Variants in ARFGAP3 observed in about 807,000 individuals in gnomAD.
ARFGAP3 encodes the protein ADP-ribosylation factor GTPase-activating protein 3.
ARFGAP3 carries 72 observed loss-of-function variants against 75.0 expected under a neutral mutation model. The observed-to-expected ratio is 0.96, with a 90% confidence interval of 0.79 to 1.17. The LOEUF is 1.17. ARFGAP3 is among the 50% of genes most tolerant of loss of function. The probability of loss-of-function intolerance (pLI) is 0.00; values close to 1 mark genes in which losing one functional copy is unlikely to be tolerated. For missense variants in ARFGAP3, 620 were observed against 626.6 expected (o/e 0.99, Z 0.11); for synonymous variants, 221 against 217.9 (o/e 1.01, Z -0.13).
At chr22:42,827,035 TATACTC>T (rs1417508430) in intron 6 of ARFGAP3, 36 bp from the exon 7 acceptor site, 1 of 1,610,232 alleles carries the variant, frequency 6.2e-7, no homozygotes, top group Non-Finnish European at 8.5e-7. Context: ...GCGCAGAAAA[TATACTC>T]AGCTAACTTG....
chr22:42,833,670 C>T (rs1015970765), intron 5 of ARFGAP3, among the ~76,000 whole-genome samples: 5 of 152,196 alleles, frequency 3.3e-5, no homozygotes, highest in African/African-American at 9.6e-5. Flanking sequence ...GCAAGAGAAT[C>T]GCTTGAACCC....
rs1452573029 is a variant in ARFGAP3, at chr22:42,812,549, C to T, written c.1065-1605G>A. On this transcript the variant is annotated intron_variant, in intron 11 of 15. Transcript: ENST00000263245. ...GTCAGAGGGGCCAGTAACCAAAGGC[C>T]AATATAAGAGGGAAGCAAGAACCCA... Among the ~76,000 whole-genome samples the T allele has an allele frequency of 5.3e-5, 8 of 152,040 alleles. No homozygotes were observed. In the East Asian group the frequency reaches 1.2e-3, roughly 22 times the overall value.
intron 1 of ARFGAP3, among the ~76,000 whole-genome samples, chr22:42,855,147 T>A (rs1444270992): frequency 6.6e-6 from 1 of 152,222 alleles, no homozygotes; most frequent in African/African-American, 2.4e-5. Context: ...TCAAGTAACC[T>A]GTCCAAGGGT....
At chr22:42,846,557 C>A (rs913132551) in intron 2 of ARFGAP3, among the ~76,000 whole-genome samples, 1 of 152,196 alleles carries the variant, frequency 6.6e-6, no homozygotes, top group African/African-American at 2.4e-5. Flanking sequence ...GGGGCCAATG[C>A]AGCCCAAGTC....
chr22:42,850,286 T>C (rs1417915847), intron 1 of ARFGAP3, among the ~76,000 whole-genome samples: 3 of 151,874 alleles, frequency 2.0e-5, no homozygotes, highest in African/African-American at 4.8e-5. Context: ...ATATTAGATA[T>C]ATAGGCTGGG....
At chr22:42,838,020 G>GA (rs1177730329) in intron 3 of ARFGAP3, among the ~76,000 whole-genome samples, 7 of 148,172 alleles carry the variant, frequency 4.7e-5, no homozygotes, top group Non-Finnish European at 6.0e-5. Flanking sequence ...CTTGAAAAGT[G>GA]AAAAAAAAAT....
chr22:42,828,578 C>T (rs1926146169), intron 6 of ARFGAP3, among the ~76,000 whole-genome samples: 1 of 151,324 alleles, frequency 6.6e-6, no homozygotes, highest in Non-Finnish European at 1.5e-5. Context: ...AATTCTTGTT[C>T]TGTGTTAGTT....
At chr22:42,843,068 C>T (rs1458140184) in intron 2 of ARFGAP3, among the ~76,000 whole-genome samples, 1 of 152,058 alleles carries the variant, frequency 6.6e-6, no homozygotes, top group African/African-American at 2.4e-5. Context: ...AAGGACAGCT[C>T]AGATTTGCCT....
Position 42,812,972 on chromosome 22 carries a change from T to C in ARFGAP3, c.1065-2028A>G, listed in dbSNP as rs541339068. On this transcript the variant is annotated intron_variant, in intron 11 of 15. Coordinates refer to ENST00000263245, the MANE Select transcript of ARFGAP3 (RefSeq NM_014570.5). Reference sequence around the variant, plus strand: ...CCGATCCCCTTTCAGAGAAGAGAGATCAGGACACTGAAGGAACCGGAAGTT... The same window carrying C: ...CCGATCCCCTTTCAGAGAAGAGAGACCAGGACACTGAAGGAACCGGAAGTT... Among the ~76,000 whole-genome samples the C allele has an allele frequency of 4.1e-3, 619 of 152,284 alleles. 3 individuals are homozygous for C. Among genetic ancestry groups the C allele is most frequent in the African/African-American group, 0.015 (603 of 41,550 alleles).
Position 42,823,705 on chromosome 22 carries a change from GC to G in ARFGAP3, c.626-4del. The stretch of plus-strand genomic sequence containing the variant: ...CTTTTTTATGATAGAGGATACCTCT[GC>G]CAAAAAATAAAAATTAAAAAGTAAG... On this transcript the variant is annotated splice_region_variant and splice_polypyrimidine_tract_variant and intron_variant, in intron 7 of 15. Coordinates refer to ENST00000263245, the MANE Select transcript of ARFGAP3 (RefSeq NM_014570.5). The G allele has an allele frequency of 6.4e-7, 1 of 1,559,118 alleles. No homozygotes were observed. The highest frequency in any genetic ancestry group is 1.4e-5 in the African/African-American group (1 of 72,194).
chr22:42,820,222 G>A (rs955645305), intron 9 of ARFGAP3, among the ~76,000 whole-genome samples: 1 of 152,118 alleles, frequency 6.6e-6, no homozygotes, highest in Non-Finnish European at 1.5e-5. Flanking sequence ...AGAAGCCATC[G>A]AAACACTCAA....
At position 42,844,620 on chromosome 22, in the gene ARFGAP3, A is replaced by G. The variant is rs573509448; in HGVS notation, c.188+2894T>C. 5.9e-5 allele frequency among the ~76,000 whole-genome samples: 9 copies of G among 151,994 alleles called. No homozygotes were observed. The South Asian group carries it at 1.9e-3, about 32-fold the overall frequency. The stretch of plus-strand genomic sequence containing the variant: ...AAAAAAAAAAAAATAAAAAACCCAA[A>G]AAACTCCCAAGCTCAAGTGATGTTT... On this transcript the variant is annotated intron_variant, in intron 2 of 15. Coordinates refer to ENST00000263245, the MANE Select transcript of ARFGAP3 (RefSeq NM_014570.5).
intron 1 of ARFGAP3, among the ~76,000 whole-genome samples, chr22:42,851,529 G>A (rs1248799810): frequency 1.3e-5 from 2 of 152,222 alleles, no homozygotes; most frequent in African/African-American, 4.8e-5. Flanking sequence ...CTCACTAAAT[G>A]CGAATGCACA....
intron 14 of ARFGAP3, among the ~76,000 whole-genome samples, chr22:42,803,618 T>C (rs1924976997): frequency 6.6e-6 from 1 of 152,218 alleles, no homozygotes; most frequent in South Asian, 2.1e-4. Context: ...AGTGCCCAGC[T>C]GATGGCAGTC....
Position 42,810,793 on chromosome 22 carries a change from CCA to C in ARFGAP3, c.1196+18_1196+19del. On this transcript the variant is annotated intron_variant, in intron 12 of 15. Coordinates refer to ENST00000263245, the MANE Select transcript of ARFGAP3 (RefSeq NM_014570.5). ...AATGCATGGATTCACTACTACAACC[CCA>C]CAGTTTTGCATTCATACCTGTCTGA... 1.2e-6 allele frequency: 2 copies of C among 1,602,068 alleles called. No homozygotes were observed. Among genetic ancestry groups the C allele is most frequent in the Non-Finnish European group, 1.7e-6 (2 of 1,171,434 alleles).
intron 6 of ARFGAP3, among the ~76,000 whole-genome samples, chr22:42,828,328 G>C (rs1926134081): frequency 6.6e-6 from 1 of 152,016 alleles, no homozygotes; most frequent in Non-Finnish European, 1.5e-5. Context: ...GGAGGCCAAG[G>C]GGGACGCATC....
chr22:42,828,302 T>A (rs1926132521), intron 6 of ARFGAP3, among the ~76,000 whole-genome samples: 1 of 151,724 alleles, frequency 6.6e-6, no homozygotes, highest in Admixed American at 6.6e-5. Flanking sequence ...CTCACACCTG[T>A]AATCCCGGCA....
Position 42,840,990 on chromosome 22 carries a change from G to A in ARFGAP3, c.215C>T (p.Ser72Leu), listed in dbSNP as rs1231930843. Residue 72 changes from serine (S) to leucine (L), a missense_variant, in exon 3 of 16, where the codon TCA becomes TTA. Physicochemically the swap from Ser to Leu is moderately radical, Grantham distance 145. Coordinates refer to ENST00000263245, the MANE Select transcript of ARFGAP3 (RefSeq NM_014570.5). ...IRSTELDSNW[S>L]WFQLRCMQVG... Reference sequence around the variant, plus strand: ...TTGCATGCATCGCAACTGAAACCATGACCAGTTGGAATCCAACTCTGTAGA... The same window carrying A: ...TTGCATGCATCGCAACTGAAACCATAACCAGTTGGAATCCAACTCTGTAGA... 6 of 1,614,108 alleles carry A rather than the reference G, an allele frequency of 3.7e-6. 1 individual carries two copies. In the Middle Eastern group the frequency reaches 9.9e-4, roughly 266 times the overall value.
chr22:42,852,653 GTC>G (rs1425929477), intron 1 of ARFGAP3, among the ~76,000 whole-genome samples: 1 of 152,180 alleles, frequency 6.6e-6, no homozygotes, highest in Non-Finnish European at 1.5e-5. Context: ...GAGCCACTGT[GTC>G]TGGCCGAAAT....
Sources: allele counts gnomAD v4.1 joint callset (sites outside exome capture counted in the v4.1 genomes callset), GRCh38; gene constraint gnomAD v4.1.1; transcripts MANE v1.5; gene names NCBI Gene and HGNC (gene_info 2026-07-23, HGNC 2026-07-21).